Variants in ITFG1 observed in about 807,000 individuals in gnomAD.
ITFG1 encodes the protein T-cell immunomodulatory protein.
ITFG1 carries 34 observed loss-of-function variants against 81.8 expected under a neutral mutation model. That is an observed-to-expected ratio of 0.42 (90% CI 0.32 to 0.55). The LOEUF (loss-of-function observed/expected upper bound fraction) is 0.55, where lower values mean the gene tolerates loss of function less well. Ranked by LOEUF, ITFG1 falls within the 20% of genes least tolerant of loss-of-function variation. The pLI is 0.17. For missense variants in ITFG1, 672 were observed against 755.4 expected, an observed-to-expected ratio of 0.89 and a Z score of 1.29; for synonymous variants, 285 against 270.6, an observed-to-expected ratio of 1.05 and a Z score of -0.52.
intron 8 of ITFG1, among the ~76,000 whole-genome samples, chr16:47,341,417 GA>G (rs914125511): frequency 3.0e-4 from 33 of 108,384 alleles, no homozygotes; most frequent in Middle Eastern, 4.3e-3. Flanking sequence ...AAAAAAAAAA[GA>G]AAAAAAAAAA....
At chr16:47,400,830 C>T (rs1225339550) in intron 6 of ITFG1, among the ~76,000 whole-genome samples, 1 of 152,052 alleles carries the variant, frequency 6.6e-6, no homozygotes, top group African/African-American at 2.4e-5. Flanking sequence ...AGAGTTACGG[C>T]TAGAGCACTT....
At chr16:47,274,767 A>G (rs951998477) in intron 10 of ITFG1, among the ~76,000 whole-genome samples, 10 of 152,188 alleles carry the variant, frequency 6.6e-5, no homozygotes, top group African/African-American at 2.4e-4. Flanking sequence ...TACGTCTGCT[A>G]ACAAGCTGTT....
intron 13 of ITFG1, among the ~76,000 whole-genome samples, chr16:47,234,989 A>G (rs1375997202): frequency 1.3e-5 from 2 of 152,188 alleles, no homozygotes; most frequent in African/African-American, 4.8e-5. Flanking sequence ...GCCTTCCACC[A>G]TGATTGTAAG....
At chr16:47,450,567 T>A (rs905451549) in intron 5 of ITFG1, 2 of 232,188 alleles carry the variant, frequency 8.6e-6, no homozygotes, top group African/African-American at 4.7e-5. Flanking sequence ...AAATGAATCA[T>A]AAAAACAAAC....
At chr16:47,178,591 A>T (rs1181900743) in intron 14 of ITFG1, among the ~76,000 whole-genome samples, 19 of 152,226 alleles carry the variant, frequency 1.2e-4, no homozygotes, top group Non-Finnish European at 1.5e-5. Flanking sequence ...TGGATTAAAG[A>T]CTTAAATGTT....
chr16:47,350,290 A>C (rs1188944016), intron 8 of ITFG1, among the ~76,000 whole-genome samples: 4 of 152,182 alleles, frequency 2.6e-5, no homozygotes, highest in South Asian at 2.1e-4. Context: ...TTTTTTGAAA[A>C]GATCAACAAA....
intron 14 of ITFG1, among the ~76,000 whole-genome samples, chr16:47,173,797 T>C (rs2151510772): frequency 6.6e-6 from 1 of 152,286 alleles, no homozygotes; most frequent in East Asian, 1.9e-4. Flanking sequence ...TCCCAGCACT[T>C]TGGGAGGCTG....
chr16:47,164,278 C>T (rs1964857230), intron 14 of ITFG1, among the ~76,000 whole-genome samples: 1 of 148,390 alleles, frequency 6.7e-6, no homozygotes, highest in African/African-American at 2.5e-5. Flanking sequence ...AGTTTTTATT[C>T]TACATCTGGC....
In ITFG1 at chr16:47,259,634, T is replaced by C. The variant is rs182267397; in HGVS notation, c.1222-894A>G. Among the ~76,000 whole-genome samples, 9 of 152,326 alleles carry C rather than the reference T, an allele frequency of 5.9e-5. No homozygotes were observed. The East Asian group carries it at 1.3e-3, about 23-fold the overall frequency. The stretch of plus-strand genomic sequence containing the variant: ...GGTAAATGGGGACATAAATGTCCTA[T>C]TGGGCACTTAACTTTTAAAAATAAA... On this transcript the variant is annotated intron_variant, in intron 11 of 17. Coordinates refer to ENST00000320640, the MANE Select transcript of ITFG1 (RefSeq NM_030790.5).
chr16:47,172,217 G>T (rs909509991), intron 14 of ITFG1, among the ~76,000 whole-genome samples: 1 of 152,132 alleles, frequency 6.6e-6, no homozygotes, highest in African/African-American at 2.4e-5. Context: ...GGGTGTGGTG[G>T]CTCACACCTG....
At chr16:47,418,624 T>C (rs1173631643) in intron 6 of ITFG1, among the ~76,000 whole-genome samples, 1 of 152,194 alleles carries the variant, frequency 6.6e-6, no homozygotes, top group Non-Finnish European at 1.5e-5. Flanking sequence ...CCAGCACTAT[T>C]TATTAAAGAA....
intron 8 of ITFG1, among the ~76,000 whole-genome samples, chr16:47,338,987 C>T (rs1173074168): frequency 6.6e-6 from 1 of 152,210 alleles, no homozygotes; most frequent in African/African-American, 2.4e-5. Context: ...AACCATCCTT[C>T]CACGATTTCC....
At chr16:47,326,547 G>T (rs1447596419) in intron 8 of ITFG1, among the ~76,000 whole-genome samples, 2 of 152,158 alleles carry the variant, frequency 1.3e-5, no homozygotes, top group Non-Finnish European at 2.9e-5. Flanking sequence ...CCTGTTTGCA[G>T]ATGACATGAT....
At chr16:47,199,896 C>A (rs779197367) in intron 14 of ITFG1, among the ~76,000 whole-genome samples, 1 of 152,176 alleles carries the variant, frequency 6.6e-6, no homozygotes, top group African/African-American at 2.4e-5. Context: ...AAGGAGTGCA[C>A]AACCTAGATC....
intron 14 of ITFG1, among the ~76,000 whole-genome samples, chr16:47,174,407 G>C (rs1404432791): frequency 6.6e-6 from 1 of 152,158 alleles, no homozygotes; most frequent in Non-Finnish European, 1.5e-5. Context: ...CCCACTAGCT[G>C]AAGAAAAAAG....
At chr16:47,374,375 T>C (rs1292619352) in intron 7 of ITFG1, among the ~76,000 whole-genome samples, 2 of 152,240 alleles carry the variant, frequency 1.3e-5, no homozygotes, top group African/African-American at 4.8e-5. Context: ...AAATCTATTT[T>C]ATTCATCAAG....
intron 8 of ITFG1, among the ~76,000 whole-genome samples, chr16:47,315,626 A>G (rs2151566302): frequency 1.3e-5 from 2 of 152,188 alleles, no homozygotes; most frequent in Admixed American, 1.3e-4. Flanking sequence ...GTGCTCTAAC[A>G]ACTACCTAGT....
chr16:47,318,652 G>C (rs898517197), intron 8 of ITFG1, among the ~76,000 whole-genome samples: 2 of 151,968 alleles, frequency 1.3e-5, no homozygotes, highest in African/African-American at 4.8e-5. Flanking sequence ...CTTATTTACT[G>C]TATTAAAAAT....
intron 16 of ITFG1, among the ~76,000 whole-genome samples, chr16:47,160,752 G>C (rs1173996113): frequency 6.6e-6 from 1 of 152,156 alleles, no homozygotes; most frequent in Non-Finnish European, 1.5e-5. Context: ...GAGGTAGAGA[G>C]GGGTTCGGGA....
Sources: allele counts gnomAD v4.1 joint callset (sites outside exome capture counted in the v4.1 genomes callset), GRCh38; gene constraint gnomAD v4.1.1; transcripts MANE v1.5; gene names NCBI Gene and HGNC (gene_info 2026-07-23, HGNC 2026-07-21).